MYOF: variants seen among roughly 807,000 people sequenced by gnomAD.
MYOF encodes myoferlin, also known as fer-1-like 3, myoferlin.
A neutral mutation model predicts 284.2 loss-of-function variants in MYOF; 244 were observed. That is an observed-to-expected ratio of 0.86 (90% confidence interval 0.77 to 0.95). MYOF has a LOEUF of 0.95. Among genes scored for constraint, MYOF ranks in the 40% least tolerant of loss-of-function variants. MYOF has a pLI of 0.00. For synonymous variants in MYOF, 904 were observed against 919.7 expected (o/e 0.98, Z 0.31); for missense variants, 2,496 against 2,560.6 (o/e 0.97, Z 0.54).
chr10:93,375,088 C>T (rs1349372678), intron 22 of MYOF, 133 bp from the exon 23 acceptor site: 7 of 888,058 alleles, frequency 7.9e-6, no homozygotes, highest in Non-Finnish European at 8.4e-6. Context: ...AATCTACAAG[C>T]ACTGCCTGGT....
intron 5 of MYOF, among the ~76,000 whole-genome samples, chr10:93,418,860 G>T (rs1848243534): frequency 6.6e-6 from 1 of 152,168 alleles, no homozygotes; most frequent in South Asian, 2.1e-4. Flanking sequence ...AAATATCCTA[G>T]AGAAAAATTG....
At chr10:93,329,028 G>A in intron 44 of MYOF, 117 bp from the exon 45 acceptor site, 1 of 1,000,332 alleles carries the variant, frequency 1.0e-6, no homozygotes, top group Non-Finnish European at 1.4e-6. Flanking sequence ...CAGAAAATCT[G>A]CGCTACACTC....
intron 4 of MYOF, among the ~76,000 whole-genome samples, 158 bp from the exon 5 acceptor site, chr10:93,426,316 G>A (rs952110873): frequency 6.6e-6 from 1 of 152,124 alleles, no homozygotes; most frequent in African/African-American, 2.4e-5. Context: ...ACACAAGCTC[G>A]ACTGTTCCTA....
chr10:93,359,828 C>G lies in MYOF; in HGVS notation c.3120+5G>C. On this transcript the variant is annotated splice_donor_5th_base_variant and intron_variant, in intron 29 of 53. Transcript: ENST00000359263. ...AGTCCAGCTCCCTTCCCTTGCTTCT[C>G]TTACCCTTGCGGTGCTTGAAGCAGT... The G allele has an allele frequency of 6.2e-7, 1 of 1,614,152 alleles. No homozygotes were observed. Among genetic ancestry groups the G allele is most frequent in the Non-Finnish European group, 8.5e-7 (1 of 1,180,014 alleles).
intron 7 of MYOF, among the ~76,000 whole-genome samples, chr10:93,404,754 T>C (rs1847475737): frequency 6.6e-6 from 1 of 152,096 alleles, no homozygotes; most frequent in African/African-American, 2.4e-5. Flanking sequence ...TAAATTTCTC[T>C]AATATCTTTA....
At chr10:93,324,466 C>A (rs1842961056) in intron 46 of MYOF, 1 of 152,196 alleles carries the variant, frequency 6.6e-6, no homozygotes, top group South Asian at 2.1e-4. Context: ...CCAAACCCAG[C>A]CACAGTCTGT....
In MYOF at chr10:93,409,597, C is replaced by G; in HGVS notation, c.576G>C (p.Leu192=). The change falls in exon 6 of 54, where the codon CTG becomes CTC. Residue 192 remains leucine, a synonymous_variant. Transcript: ENST00000359263. The stretch of plus-strand genomic sequence containing the variant: ...CCTGGAAGTCCTGTGGCTTATTTGA[C>G]AGCATCCGCCGGCTGTTCTTTACTT... ...LTKVKNSRRM[L]SNKPQDFQIR... is the part of the protein sequence containing the mutation. The G allele has an allele frequency of 6.2e-7, 1 of 1,614,058 alleles. No individual in the cohort carries two copies. Among genetic ancestry groups the G allele is most frequent in the Non-Finnish European group, 8.5e-7 (1 of 1,180,010 alleles).
rs753946172 is a variant in MYOF at position 93,333,795 on chromosome 10, C to T, written c.4682G>A (p.Arg1561Gln). The T allele has an allele frequency of 1.2e-5, 19 of 1,614,050 alleles. No individual in the cohort carries two copies. Among genetic ancestry groups the T allele is most frequent in the South Asian group, 4.4e-5 (4 of 91,082 alleles). ...QECTVRIYIVRGLELQPQDNN... is the reference protein window; with the variant it reads ...QECTVRIYIVQGLELQPQDNN... ...GTCCTGGGGCTGGAGCTCTAAGCCT[C>T]GAACAATGTAAATCCTAACCGTGCA... The change falls in exon 42 of 54, where the codon CGA becomes CAA. Residue 1561 changes from arginine (R) to glutamine (Q), a missense_variant. Physicochemically the swap from Arg to Gln is conservative, Grantham distance 43. Around this residue, in one of 3 missense-constraint regions of MYOF, gnomAD observed 2,436 missense variants for 2,480.7 expected, o/e 0.98. Transcript: ENST00000359263.
intron 5 of MYOF, among the ~76,000 whole-genome samples, chr10:93,416,288 G>T (rs559723849): frequency 1.3e-5 from 2 of 152,128 alleles, no homozygotes; most frequent in Non-Finnish European, 2.9e-5. Context: ...AGGCCAAGGC[G>T]GGTGGATCAC....
At chr10:93,338,273 ATG>A (rs1843708480) in intron 39 of MYOF, 4 of 455,400 alleles carry the variant, frequency 8.8e-6, no homozygotes. Flanking sequence ...AACCTCCAAT[ATG>A]TGTTTTCTAC....
At chr10:93,377,529 T>C in intron 21 of MYOF, 100 bp from the exon 22 acceptor site, 1 of 876,550 alleles carries the variant, frequency 1.1e-6, no homozygotes, top group Non-Finnish European at 1.8e-6. Flanking sequence ...AATATTTTTG[T>C]ATATTCAAAA....
intron 19 of MYOF, among the ~76,000 whole-genome samples, 159 bp downstream of exon 19, chr10:93,387,638 C>T (rs978075081): frequency 6.6e-6 from 1 of 152,220 alleles, no homozygotes; most frequent in Non-Finnish European, 1.5e-5. Flanking sequence ...AGGGTATTAA[C>T]ATCTCAAAGG....
intron 16 of MYOF, among the ~76,000 whole-genome samples, chr10:93,394,448 C>CTTTTTTTTTTTTTGTTTTT (rs1846873390): frequency 3.5e-5 from 1 of 28,682 alleles, no homozygotes; most frequent in Non-Finnish European, 6.5e-5. Context: ...ACCATCTTGT[C>CTTTTTTTTTTTTTGTTTTT]TTTTTTTTTT....
intron 3 of MYOF, among the ~76,000 whole-genome samples, chr10:93,433,456 G>A (rs1182149143): frequency 6.6e-6 from 1 of 150,814 alleles, no homozygotes; most frequent in Non-Finnish European, 1.5e-5. Flanking sequence ...GCCGCGCCTG[G>A]CCCAATATTT....
At chr10:93,308,005 G>A (rs998490962) in intron 53 of MYOF, among the ~76,000 whole-genome samples, 3 of 151,244 alleles carry the variant, frequency 2.0e-5, no homozygotes, top group African/African-American at 7.3e-5. Flanking sequence ...CACTTTGGGA[G>A]GCTAAGGCAG....
chr10:93,444,226 G>A (rs1467611626), intron 3 of MYOF, among the ~76,000 whole-genome samples: 1 of 152,186 alleles, frequency 6.6e-6, no homozygotes, highest in Non-Finnish European at 1.5e-5. Flanking sequence ...CCACGTAGGA[G>A]CATCATAAAC....
At chr10:93,390,309 G>C (rs1004296661) in intron 17 of MYOF, among the ~76,000 whole-genome samples, 3 of 152,154 alleles carry the variant, frequency 2.0e-5, no homozygotes, top group Non-Finnish European at 4.4e-5. Context: ...TTTGTGGGGA[G>C]ACAGAAATCA....
At chr10:93,462,536 T>C (rs1290878951) in intron 1 of MYOF, among the ~76,000 whole-genome samples, 2 of 152,240 alleles carry the variant, frequency 1.3e-5, no homozygotes, top group Middle Eastern at 3.4e-3. Flanking sequence ...CCAGGTCTAG[T>C]ATGACTCCTG....
chr10:93,411,096 T>C (rs1029860982), intron 5 of MYOF, among the ~76,000 whole-genome samples: 2 of 152,274 alleles, frequency 1.3e-5, no homozygotes, highest in Non-Finnish European at 2.9e-5. Context: ...TAGCACAGTA[T>C]CTGGCATACA....
Sources: allele counts gnomAD v4.1 joint callset (sites outside exome capture counted in the v4.1 genomes callset), GRCh38; gene constraint gnomAD v4.1.1; regional missense constraint gnomAD v4.1.1; transcripts MANE v1.5; gene names NCBI Gene and HGNC (gene_info 2026-07-23, HGNC 2026-07-21).